PATJ: variants seen among roughly 807,000 people sequenced by gnomAD.
The protein encoded by PATJ is inaD-like protein.
PATJ carries 190 observed loss-of-function variants against 224.9 expected under a neutral mutation model. That is an observed-to-expected ratio of 0.84 (90% CI 0.75 to 0.95). The LOEUF is 0.95. Ranked by LOEUF, PATJ falls within the 40% of genes least tolerant of loss-of-function variation. The pLI, the probability that PATJ is intolerant of heterozygous loss-of-function variation, is 0.00. For missense variants in PATJ, 2,121 were observed against 2,270.3 expected (o/e 0.93, Z 1.34); for synonymous variants, 769 against 820.3 (o/e 0.94, Z 1.07).
chr1:61,929,219 C>T (rs975661610), intron 27 of PATJ, among the ~76,000 whole-genome samples: 1 of 152,186 alleles, frequency 6.6e-6, no homozygotes, highest in African/African-American at 2.4e-5. Context: ...TTACTCCATA[C>T]ATTCTGGTTT....
At chr1:61,838,295 A>G (rs1351888427) in intron 17 of PATJ, among the ~76,000 whole-genome samples, 1 of 151,906 alleles carries the variant, frequency 6.6e-6, no homozygotes, top group Non-Finnish European at 1.5e-5. Flanking sequence ...GGATTGTGTC[A>G]TGGCAAACAA....
At chr1:61,766,539 C>G in intron 4 of PATJ, 66 bp downstream of exon 4, 1 of 1,078,590 alleles carries the variant, frequency 9.3e-7, no homozygotes, top group Non-Finnish European at 1.3e-6. Flanking sequence ...TACAAAGGAG[C>G]TTATACTCAT....
chr1:62,026,082 G>A (rs901735169), intron 29 of PATJ, among the ~76,000 whole-genome samples: 3 of 152,202 alleles, frequency 2.0e-5, no homozygotes, highest in Non-Finnish European at 2.9e-5. Flanking sequence ...GAAGGGCCAA[G>A]TAAATAGAAC....
chr1:61,937,650 C>CTTTTT (rs370155855), intron 27 of PATJ, among the ~76,000 whole-genome samples: 3 of 133,054 alleles, frequency 2.3e-5, no homozygotes, highest in Non-Finnish European at 3.2e-5. Flanking sequence ...CTTTCTTCTT[C>CTTTTT]TTTTTTTTTT....
chr1:61,826,218 T>G (rs1188532057), intron 15 of PATJ, among the ~76,000 whole-genome samples: 1 of 152,068 alleles, frequency 6.6e-6, no homozygotes, highest in Non-Finnish European at 1.5e-5. Context: ...GGCTTGAGAG[T>G]GGTTCCCAGG....
intron 1 of PATJ, among the ~76,000 whole-genome samples, chr1:61,757,084 T>TC (rs1402732342): frequency 6.7e-6 from 1 of 150,118 alleles, no homozygotes; most frequent in East Asian, 2.0e-4. Context: ...CTTTTACTTT[T>TC]TTTTTTTTTT....
chr1:62,138,009 C>G (rs1667130215), intron 41 of PATJ, among the ~76,000 whole-genome samples: 1 of 152,116 alleles, frequency 6.6e-6, no homozygotes, highest in Non-Finnish European at 1.5e-5. Flanking sequence ...GTGGCCTCCC[C>G]CTCTTTGGGT....
intron 3 of PATJ, 123 bp downstream of exon 3, chr1:61,763,302 G>T (rs1268657634): frequency 4.0e-6 from 2 of 500,190 alleles, no homozygotes; most frequent in African/African-American, 4.0e-5. Context: ...CAAAGAGACT[G>T]TATTGGGACC....
intron 22 of PATJ, among the ~76,000 whole-genome samples, chr1:61,893,592 G>C (rs777337732): frequency 9.3e-5 from 14 of 150,890 alleles, no homozygotes; most frequent in Admixed American, 1.3e-4. Flanking sequence ...CTTGAGTCCA[G>C]GTGTTTGAAA....
chr1:61,896,443 G>A lies in PATJ; in HGVS notation c.3132-3140G>A, dbSNP rs111499995. On this transcript the variant is annotated intron_variant, in intron 22 of 43. Coordinates refer to ENST00000642238, the MANE Select transcript of PATJ (RefSeq NM_001350145.3). ...TGCCTGTACCCCCATTGTATCTTGG[G>A]AATAACTAACTTGTTTTTGATTTTA... Among the ~76,000 whole-genome samples, 839 of 152,212 alleles carry A rather than the reference G, an allele frequency of 5.5e-3. 4 individuals are homozygous for A. Among genetic ancestry groups the A allele is most frequent in the Non-Finnish European group, 9.9e-3 (675 of 68,010 alleles).
intron 15 of PATJ, among the ~76,000 whole-genome samples, chr1:61,824,265 A>G (rs1244121670): frequency 2.7e-5 from 4 of 147,792 alleles, no homozygotes; most frequent in African/African-American, 7.5e-5. Context: ...GGGTCTTGCT[A>G]TGTTGCCCAA....
chr1:61,914,619 A>C lies in PATJ; in HGVS notation c.3525A>C (p.Lys1175Asn). 6.3e-7 allele frequency: 1 copy of C among 1,582,500 alleles called. No individual in the cohort carries two copies. The highest frequency in any genetic ancestry group is 8.7e-7 in the Non-Finnish European group (1 of 1,151,966). Residue 1175 changes from lysine (K) to asparagine (N), a missense_variant, in exon 26 of 44, where the codon AAA (lysine) becomes AAC (asparagine). Transcript: ENST00000642238. ...CTAACGTACATAACAAGGCCAACAA[A>C]ATCACCGGTAACCAGAACCAGGACA... is the stretch of plus-strand genomic sequence containing the variant. ...VIPNVHNKAN[K>N]ITGNQNQDTQ... is the part of the protein sequence containing the mutation.
chr1:61,818,944 A>T (rs1450120824), intron 14 of PATJ, among the ~76,000 whole-genome samples: 1 of 152,148 alleles, frequency 6.6e-6, no homozygotes, highest in Non-Finnish European at 1.5e-5. Context: ...GCATGTCATT[A>T]TGTAAGTAGC....
intron 27 of PATJ, among the ~76,000 whole-genome samples, chr1:61,969,788 G>A (rs1014337651): frequency 1.3e-5 from 2 of 152,038 alleles, no homozygotes; most frequent in African/African-American, 4.8e-5. Flanking sequence ...CCACCTCCTG[G>A]GTTCAAGTGA....
At chr1:61,941,696 C>T (rs565640187) in intron 27 of PATJ, among the ~76,000 whole-genome samples, 1 of 152,210 alleles carries the variant, frequency 6.6e-6, no homozygotes, top group East Asian at 1.9e-4. Context: ...TCTTAATAGT[C>T]ATATTAACTG....
At chr1:62,004,063 G>A (rs1645951514) in intron 28 of PATJ, among the ~76,000 whole-genome samples, 1 of 152,148 alleles carries the variant, frequency 6.6e-6, no homozygotes, top group Non-Finnish European at 1.5e-5. Context: ...TCTGTCTACT[G>A]CTTCTTAAGA....
At chr1:62,036,482 G>T (rs1437130616) in intron 29 of PATJ, among the ~76,000 whole-genome samples, 1 of 152,048 alleles carries the variant, frequency 6.6e-6, no homozygotes, top group Non-Finnish European at 1.5e-5. Context: ...GGATAAAAAA[G>T]GTCTATTTTA....
intron 29 of PATJ, among the ~76,000 whole-genome samples, chr1:62,029,469 C>T (rs1648770511): frequency 6.6e-6 from 1 of 152,096 alleles, no homozygotes; most frequent in Non-Finnish European, 1.5e-5. Context: ...CATATTTATC[C>T]TAAGGAATTA....
rs151305031 is a variant in PATJ at position 61,903,834 on chromosome 1, G to A, written c.3381+2375G>A. 3.9e-3 allele frequency among the ~76,000 whole-genome samples: 584 copies of A among 148,744 alleles called. 4 individuals carry two copies. Among genetic ancestry groups the A allele is most frequent in the African/African-American group, 0.014 (556 of 40,290 alleles). ...GTCACCCAGGCTGGAGTGCAGTGGC[G>A]CAATCTCAGCTCACTGCAACCTCCA... On this transcript the variant is annotated intron_variant, in intron 24 of 43. Transcript: ENST00000642238.
Sources: gnomAD v4.1 joint callset for allele counts (sites outside exome capture counted in the v4.1 genomes callset) on GRCh38, gnomAD v4.1.1 for gene constraint, MANE v1.5 for transcripts, NCBI Gene and HGNC (gene_info 2026-07-23, HGNC 2026-07-21) for gene names.